FBXO36: variants seen among roughly 807,000 people sequenced by gnomAD.
FBXO36 encodes the protein F-box protein 36.
FBXO36 carries 18 observed loss-of-function variants against 17.0 expected under a neutral mutation model. That is an observed-to-expected ratio of 1.06 (90% CI 0.73 to 1.57). The LOEUF (loss-of-function observed/expected upper bound fraction) is 1.57. Ranked by LOEUF, FBXO36 falls within the 40% of genes most tolerant of loss-of-function variation. FBXO36 has a pLI of 0.00. For synonymous variants in FBXO36, 83 were observed against 85.3 expected, an observed-to-expected ratio of 0.97 and a Z score of 0.15; for missense variants, 229 against 221.9, an observed-to-expected ratio of 1.03 and a Z score of -0.20.
At chr2:229,978,453 G>C (rs1039167772) in intron 2 of FBXO36, among the ~76,000 whole-genome samples, 4 of 152,094 alleles carry the variant, frequency 2.6e-5, no homozygotes, top group African/African-American at 9.6e-5. Flanking sequence ...GCATGATGGT[G>C]GTGGGTGCCC....
At chr2:229,993,557 A>G (rs2077309292) in intron 2 of FBXO36, among the ~76,000 whole-genome samples, 1 of 152,242 alleles carries the variant, frequency 6.6e-6, no homozygotes, top group African/African-American at 2.4e-5. Context: ...TGTCTGCCAC[A>G]TAATCCAACA....
chr2:229,965,812 G>A (rs559325728), intron 1 of FBXO36, among the ~76,000 whole-genome samples: 19 of 152,192 alleles, frequency 1.2e-4, no homozygotes, highest in African/African-American at 3.6e-4. Flanking sequence ...CTTTGCTATT[G>A]TGAATAGTGC....
chr2:229,934,333 G>A (rs1457800991), intron 1 of FBXO36, among the ~76,000 whole-genome samples: 1 of 152,064 alleles, frequency 6.6e-6, no homozygotes, highest in Non-Finnish European at 1.5e-5. Context: ...CCCGGGAGGC[G>A]GAGCTTGCAG....
At position 229,922,549 on chromosome 2, in the gene FBXO36, T is replaced by G; in HGVS notation, c.36T>G (p.Thr12=). Residue 12 remains threonine, a synonymous_variant, in exon 1 of 4, where the codon ACT becomes ACG. Transcript: ENST00000283946. ...ASWLPETLFE[T]VGQGPPPSKD... ...GGCTGCCGGAGACTCTCTTTGAAACTGTAGGACAAGGCCCGCCGCCTAGCA... is the reference window on the plus strand; with the variant it reads ...GGCTGCCGGAGACTCTCTTTGAAACGGTAGGACAAGGCCCGCCGCCTAGCA... 6.2e-7 allele frequency: 1 copy of G among 1,614,050 alleles called. No homozygotes were observed. The highest frequency in any genetic ancestry group is 8.5e-7 in the Non-Finnish European group (1 of 1,180,000).
chr2:230,007,882 C>T (rs1357209940), intron 3 of FBXO36, among the ~76,000 whole-genome samples: 1 of 152,170 alleles, frequency 6.6e-6, no homozygotes, highest in Admixed American at 6.5e-5. Context: ...GAGCCTGCCA[C>T]CACCCCTGGC....
intron 1 of FBXO36, chr2:229,942,698 C>T (rs973023232): frequency 6.6e-6 from 1 of 152,362 alleles, no homozygotes; most frequent in Non-Finnish European, 1.5e-5. Flanking sequence ...CACCACGTCT[C>T]TGGGTTTACG....
intron 1 of FBXO36, chr2:229,939,388 C>T (rs976503985): frequency 6.3e-6 from 3 of 478,538 alleles, no homozygotes; most frequent in Non-Finnish European, 8.2e-6. Context: ...AGTATCTCTT[C>T]AGCATTTTTT....
chr2:229,981,384 AT>A (rs111710890), intron 2 of FBXO36, among the ~76,000 whole-genome samples: 122 of 147,356 alleles, frequency 8.3e-4, no homozygotes, highest in Admixed American at 8.8e-4. Context: ...ATATGAACAG[AT>A]TTTTTTTTTT....
intron 2 of FBXO36, among the ~76,000 whole-genome samples, chr2:229,989,727 A>ATTTTTTT (rs11313146): frequency 8.3e-6 from 1 of 120,880 alleles, no homozygotes. Flanking sequence ...CGCCTGGCTA[A>ATTTTTTT]TTTTTTTTTT....
At chr2:229,931,562 C>T (rs1331248226) in intron 1 of FBXO36, among the ~76,000 whole-genome samples, 2 of 152,160 alleles carry the variant, frequency 1.3e-5, no homozygotes, top group Admixed American at 1.3e-4. Context: ...TGTTTCACGA[C>T]CGGCATGTTG....
chr2:230,007,743 CA>C (rs1458395048), intron 3 of FBXO36, among the ~76,000 whole-genome samples: 1 of 152,124 alleles, frequency 6.6e-6, no homozygotes, highest in Non-Finnish European at 1.5e-5. Flanking sequence ...ACTACAGGCG[CA>C]TGCCACCATA....
At chr2:229,988,106 CAT>C (rs2077278418) in intron 2 of FBXO36, among the ~76,000 whole-genome samples, 1 of 152,124 alleles carries the variant, frequency 6.6e-6, no homozygotes, top group African/African-American at 2.4e-5. Context: ...TATTTAGAAA[CAT>C]ATTGTTTAAT....
intron 1 of FBXO36, chr2:229,942,699 T>A (rs1213300113): frequency 1.3e-5 from 2 of 152,354 alleles, no homozygotes; most frequent in Admixed American, 6.5e-5. Flanking sequence ...ACCACGTCTC[T>A]GGGTTTACGC....
Position 229,925,027 on chromosome 2 carries a change from G to A in FBXO36, c.96+2418G>A, listed in dbSNP as rs142206739. Among the ~76,000 whole-genome samples, 448 of 151,952 alleles carry A rather than the reference G, an allele frequency of 2.9e-3. 2 individuals carry two copies. The highest frequency in any genetic ancestry group is 0.01 in the African/African-American group (428 of 41,486). On this transcript the variant is annotated intron_variant, in intron 1 of 3. Coordinates refer to ENST00000283946, the MANE Select transcript of FBXO36 (RefSeq NM_174899.5). Reference sequence around the variant, plus strand: ...TTACAGGCGTGAGCCACCGCGCCCGGCCCTAACTACTCTTTTTTAAGAAAT... The same window carrying A: ...TTACAGGCGTGAGCCACCGCGCCCGACCCTAACTACTCTTTTTTAAGAAAT...
chr2:229,948,367 A>G (rs1251140027), intron 1 of FBXO36, among the ~76,000 whole-genome samples: 1 of 152,164 alleles, frequency 6.6e-6, no homozygotes, highest in African/African-American at 2.4e-5. Flanking sequence ...TGGTAAAGGC[A>G]TGGGAAAAGG....
rs181958741 is a variant in FBXO36, at chr2:230,004,370, A to G, written c.379-6326A>G. On this transcript the variant is annotated intron_variant, in intron 3 of 3. Transcript: ENST00000283946. ...GAAAACGGTGGTTGAATGCTTCCAT[A>G]TCAATTTTGTTTATATTTTTGAAAA... Among the ~76,000 whole-genome samples, 11 of 152,286 alleles carry G rather than the reference A, an allele frequency of 7.2e-5. No individual in the cohort carries two copies. In the East Asian group the frequency reaches 1.2e-3, roughly 16 times the overall value.
At chr2:229,928,325 T>C (rs2076923063) in intron 1 of FBXO36, among the ~76,000 whole-genome samples, 1 of 152,228 alleles carries the variant, frequency 6.6e-6, no homozygotes, top group Non-Finnish European at 1.5e-5. Context: ...AAAAAAGTGT[T>C]TTAAATAAAT....
chr2:229,946,168 A>T (rs1328873007), intron 1 of FBXO36, among the ~76,000 whole-genome samples: 1 of 152,190 alleles, frequency 6.6e-6, no homozygotes, highest in Non-Finnish European at 1.5e-5. Flanking sequence ...CTGTACTTCC[A>T]TGGGACATGT....
rs546502625 is a variant in FBXO36, at chr2:229,976,315, C to G, written c.171C>G (p.Thr57=). The G allele has an allele frequency of 1.2e-6, 2 of 1,613,526 alleles. No homozygotes were observed. The highest frequency in any genetic ancestry group is 1.7e-6 in the Non-Finnish European group (2 of 1,179,678). Reference sequence around the variant, plus strand: ...CAAAACCTGGAGAAGCAAAAGAAACCCATGAAGACTTCCTAGAGAATTCAC... The same window carrying G: ...CAAAACCTGGAGAAGCAAAAGAAACGCATGAAGACTTCCTAGAGAATTCAC... ...RSTKPGEAKE[T]HEDFLENSHL... The change falls in exon 2 of 4, where the codon ACC becomes ACG. Residue 57 remains threonine, a synonymous_variant. Coordinates refer to ENST00000283946, the MANE Select transcript of FBXO36 (RefSeq NM_174899.5).
Sources: gnomAD v4.1 joint callset for allele counts (sites outside exome capture counted in the v4.1 genomes callset) on GRCh38, gnomAD v4.1.1 for gene constraint, MANE v1.5 for transcripts, NCBI Gene and HGNC (gene_info 2026-07-23, HGNC 2026-07-21) for gene names.